The following EFHD2 variants were observed in gnomAD, a reference collection of about 807,000 sequenced individuals.
EFHD2 encodes EF-hand domain-containing protein D2.
EFHD2 carries 12 observed loss-of-function variants against 20.3 expected under a neutral mutation model. That is an observed-to-expected ratio of 0.59 (90% CI 0.38 to 0.96). The LOEUF is 0.96. Ranked by LOEUF, EFHD2 falls within the 40% of genes least tolerant of loss-of-function variation. The probability of loss-of-function intolerance (pLI) is 0.00; values close to 1 mark genes in which losing one functional copy is unlikely to be tolerated. For missense variants in EFHD2, 250 were observed against 334.3 expected, an observed-to-expected ratio of 0.75 and a Z score of 1.97; for synonymous variants, 131 against 143.9, an observed-to-expected ratio of 0.91 and a Z score of 0.64.
At chr1:15,415,640 C>T (rs909128223) in intron 1 of EFHD2, among the ~76,000 whole-genome samples, 1 of 152,064 alleles carries the variant, frequency 6.6e-6, no homozygotes, top group Non-Finnish European at 1.5e-5. Flanking sequence ...AAGCACACAC[C>T]ACCATGCCTG....
chr1:15,425,346 G>A lies in EFHD2; in HGVS notation c.309-525G>A, dbSNP rs1159928298. On this transcript the variant is annotated intron_variant, in intron 1 of 3. Transcript: ENST00000375980. ...TCAAGACCAGCCTGGCCAGCATGGTGAAACACTGTCTCTACTAAAAACACA... is the reference window on the plus strand; with the variant it reads ...TCAAGACCAGCCTGGCCAGCATGGTAAAACACTGTCTCTACTAAAAACACA... Among the ~76,000 whole-genome samples the A allele has an allele frequency of 5.3e-5, 8 of 152,084 alleles. 1 individual carries two copies. The highest frequency in any genetic ancestry group is 1.9e-4 in the African/African-American group (8 of 41,416).
At chr1:15,420,026 G>T (rs992002379) in intron 1 of EFHD2, among the ~76,000 whole-genome samples, 1 of 152,074 alleles carries the variant, frequency 6.6e-6, no homozygotes, top group African/African-American at 2.4e-5. Flanking sequence ...TAGAGGAGAG[G>T]TCATGCTGGA....
intron 1 of EFHD2, among the ~76,000 whole-genome samples, chr1:15,422,085 A>ATTTTTTT (rs71000400): frequency 1.2e-5 from 1 of 86,632 alleles, no homozygotes; most frequent in Non-Finnish European, 2.2e-5. Flanking sequence ...AGGTCATTCC[A>ATTTTTTT]TTTTTTTTTT....
At position 15,425,457 on chromosome 1, in the gene EFHD2, G is replaced by A. The variant is rs113743348; in HGVS notation, c.309-414G>A. Among the ~76,000 whole-genome samples the A allele has an allele frequency of 5.7e-4, 87 of 151,984 alleles. 2 individuals carry two copies. The highest frequency in any genetic ancestry group is 2.1e-4 in the South Asian group (1 of 4,820). On this transcript the variant is annotated intron_variant, in intron 1 of 3. Transcript: ENST00000375980. ...GGAGAATCACTTGAACCCGGGAGGC[G>A]GAGGCTGCAGCGAGCCGAGATTGAG...
At position 15,422,636 on chromosome 1, in the gene EFHD2, C is replaced by T. The variant is rs542370171; in HGVS notation, c.309-3235C>T. Among the ~76,000 whole-genome samples the T allele has an allele frequency of 5.3e-5, 8 of 151,848 alleles. 1 individual carries two copies. The South Asian group carries it at 6.2e-4, about 12-fold the overall frequency. Reference sequence around the variant, plus strand: ...CAGCACTTTGGGAGGCCGAGGCGGACGGATCATGAGGTCAGGAGATCGAAA... The same window carrying T: ...CAGCACTTTGGGAGGCCGAGGCGGATGGATCATGAGGTCAGGAGATCGAAA... On this transcript the variant is annotated intron_variant, in intron 1 of 3. Coordinates refer to ENST00000375980, the MANE Select transcript of EFHD2 (RefSeq NM_024329.6).
rs571817091 is a variant in EFHD2, at chr1:15,412,944, C to G, written c.308+2665C>G. On this transcript the variant is annotated intron_variant, in intron 1 of 3. Transcript: ENST00000375980. Reference sequence around the variant, plus strand: ...GGAGGGCTGATGGGGCAGGCAGGGGCCAGGAAGCTGGACCTCTAGGGAAGC... The same window carrying G: ...GGAGGGCTGATGGGGCAGGCAGGGGGCAGGAAGCTGGACCTCTAGGGAAGC... Among the ~76,000 whole-genome samples the G allele has an allele frequency of 4.1e-4, 62 of 152,164 alleles. 1 individual carries two copies. Among genetic ancestry groups the G allele is most frequent in the Non-Finnish European group, 6.9e-4 (47 of 68,024 alleles).
At chr1:15,416,623 G>A (rs1196795727) in intron 1 of EFHD2, among the ~76,000 whole-genome samples, 1 of 152,190 alleles carries the variant, frequency 6.6e-6, no homozygotes, top group Non-Finnish European at 1.5e-5. Context: ...TGGACTTTCA[G>A]AAGGGTTATG....
In EFHD2 at chr1:15,409,915, C is replaced by A. The variant is rs1477879206; in HGVS notation, c.-57C>A. ...GTGTCAGGAAGAGGAAGAGCGCGGC[C>A]GGCGGCGCTGCGCTGAGAGCAGGGG... On this transcript the variant is annotated 5_prime_UTR_variant, in exon 1 of 4. Transcript: ENST00000375980. The A allele has an allele frequency of 5.0e-6, 6 of 1,196,566 alleles. 1 individual carries two copies. Among genetic ancestry groups the A allele is most frequent in the Middle Eastern group, 3.3e-4 (1 of 3,006 alleles). The allele number at this position is 1,196,566 out of a possible 1,614,324, so 74.1% of individuals were successfully genotyped here.
intron 1 of EFHD2, among the ~76,000 whole-genome samples, chr1:15,424,706 C>A (rs1707844761): frequency 6.6e-6 from 1 of 152,200 alleles, no homozygotes; most frequent in African/African-American, 2.4e-5. Flanking sequence ...GCCTTAGATA[C>A]CCCTTCATTT....
At position 15,413,744 on chromosome 1, in the gene EFHD2, T is replaced by C. The variant is rs1362440487; in HGVS notation, c.308+3465T>C. On this transcript the variant is annotated intron_variant, in intron 1 of 3. Transcript: ENST00000375980. The surrounding 1 kb of genome is among the most constrained non-coding windows in gnomAD (Gnocchi z 4.4). ...GTTACGGAGAGGTTCTCAGTGAGGC[T>C]GAAACCTTGTATGATGAGGAGAGTG... 6.6e-6 allele frequency among the ~76,000 whole-genome samples: 1 copy of C among 152,188 alleles called. No individual in the cohort carries two copies. The highest frequency in any genetic ancestry group is 1.5e-5 in the Non-Finnish European group (1 of 68,036).
intron 2 of EFHD2, 73 bp from the exon 3 acceptor site, chr1:15,427,077 G>A: frequency 1.3e-6 from 2 of 1,560,748 alleles, no homozygotes; most frequent in South Asian, 2.4e-5. Flanking sequence ...GCTGGGGCCT[G>A]GGTGCGGCCA....
chr1:15,428,784 G>A lies in EFHD2; in HGVS notation c.*60G>A, dbSNP rs1283680340. 6.5e-7 allele frequency: 1 copy of A among 1,547,552 alleles called. No homozygotes were observed. Among genetic ancestry groups the A allele is most frequent in the African/African-American group, 1.4e-5 (1 of 72,924 alleles). ...AGTGTGGTGGGCGAGGGTGGCGCAT[G>A]GGAGGCCGAGCCTGAATCCTTGCCT... On this transcript the variant is annotated 3_prime_UTR_variant, in exon 4 of 4. Transcript: ENST00000375980.
rs528254911 is a variant in EFHD2, at chr1:15,429,605, G to C, written c.*881G>C. The C allele has an allele frequency of 2.0e-5, 3 of 152,648 alleles. No homozygotes were observed. Among genetic ancestry groups the C allele is most frequent in the African/African-American group, 7.2e-5 (3 of 41,456 alleles). 9.5% of individuals were successfully genotyped at this position (152,648 alleles called of 1,614,324 possible). A position where few individuals can be genotyped will look rare whatever the true frequency, so the allele number is the denominator to read the frequency against. ...CACCTTCCTAGGGAAGGAGACGAGC[G>C]CTTCGCCTTGATTCTCCGAGAAGCC... On this transcript the variant is annotated 3_prime_UTR_variant, in exon 4 of 4. Coordinates refer to ENST00000375980, the MANE Select transcript of EFHD2 (RefSeq NM_024329.6).
chr1:15,418,676 G>A (rs1707732845), intron 1 of EFHD2, among the ~76,000 whole-genome samples: 1 of 152,152 alleles, frequency 6.6e-6, no homozygotes, highest in African/African-American at 2.4e-5. Context: ...TGTCCTCAGA[G>A]GTATTCAAGG....
chr1:15,414,391 TG>T (rs1282910521), intron 1 of EFHD2, among the ~76,000 whole-genome samples: 1 of 152,262 alleles, frequency 6.6e-6, no homozygotes, highest in Non-Finnish European at 1.5e-5. Flanking sequence ...TCTGCAGCCC[TG>T]GGTTTGAATA....
chr1:15,423,499 GC>G (rs1191707941), intron 1 of EFHD2, among the ~76,000 whole-genome samples: 1 of 152,226 alleles, frequency 6.6e-6, no homozygotes, highest in Non-Finnish European at 1.5e-5. Context: ...TGGGTACAGA[GC>G]AAATGTGCAA....
chr1:15,410,094 C>G lies in EFHD2; in HGVS notation c.123C>G (p.Pro41=), dbSNP rs1707437986. 1.4e-6 allele frequency: 2 copies of G among 1,444,094 alleles called. No individual in the cohort carries two copies. The highest frequency in any genetic ancestry group is 1.8e-6 in the Non-Finnish European group (2 of 1,103,002). 89.5% of individuals were successfully genotyped at this position (1,444,094 alleles called of 1,614,324 possible). ...CAGCGGCGGCGGCGGCGGGGGCACC[C>G]GACGAGGCGGCCGAGGCGCTGGGCA... ...NGAAAAAAGA[P]DEAAEALGSA... Residue 41 remains proline, a synonymous_variant, in exon 1 of 4, where the codon CCC becomes CCG. Coordinates refer to ENST00000375980, the MANE Select transcript of EFHD2 (RefSeq NM_024329.6).
chr1:15,428,785 G>A lies in EFHD2; in HGVS notation c.*61G>A. 2 of 1,547,654 alleles carry A rather than the reference G, an allele frequency of 1.3e-6. No homozygotes were observed. The highest frequency in any genetic ancestry group is 1.7e-6 in the Non-Finnish European group (2 of 1,145,656). ...GTGTGGTGGGCGAGGGTGGCGCATG[G>A]GAGGCCGAGCCTGAATCCTTGCCTG... On this transcript the variant is annotated 3_prime_UTR_variant, in exon 4 of 4. Coordinates refer to ENST00000375980, the MANE Select transcript of EFHD2 (RefSeq NM_024329.6).
At chr1:15,414,096 G>T (rs977523269) in intron 1 of EFHD2, among the ~76,000 whole-genome samples, 2 of 152,238 alleles carry the variant, frequency 1.3e-5, no homozygotes, top group Admixed American at 6.5e-5. Context: ...CTGCTGGAAA[G>T]GTAGGCAGCC....
Sources: allele counts gnomAD v4.1 joint callset (sites outside exome capture counted in the v4.1 genomes callset), GRCh38; gene constraint gnomAD v4.1.1; non-coding constraint Gnocchi (gnomAD v3.1); transcripts MANE v1.5; gene names NCBI Gene and HGNC (gene_info 2026-07-23, HGNC 2026-07-21).